LGSN: variants seen among roughly 807,000 people sequenced by gnomAD.
The protein encoded by LGSN is lengsin, lens protein with glutamine synthetase domain, also known as lengsin.
LGSN carries 21 observed loss-of-function variants against 19.5 expected under a neutral mutation model. The observed-to-expected ratio is 1.07, with a 90% CI of 0.76 to 1.55. The LOEUF (loss-of-function observed/expected upper bound fraction) is 1.55, where lower values mean the gene tolerates loss of function less well. Among genes scored for constraint, LGSN ranks in the 40% most tolerant of loss-of-function variants. LGSN has a pLI of 0.00. For missense variants in LGSN, 673 were observed against 608.5 expected (o/e 1.11, Z -1.12); for synonymous variants, 257 against 215.6 (o/e 1.19, Z -1.68).
At chr6:63,436,504 C>G in the LGSN span, among the ~76,000 whole-genome samples, 2 of 152,338 alleles carry the variant, frequency 1.3e-5, no homozygotes, top group South Asian at 2.1e-4. Flanking sequence ...ACTTCATTTG[C>G]AAGTACTGTG....
At chr6:63,517,946 A>G in the LGSN span, among the ~76,000 whole-genome samples, 5 of 152,126 alleles carry the variant, frequency 3.3e-5, no homozygotes, top group African/African-American at 1.2e-4. Context: ...TGAGGTCAGG[A>G]GTTCAAGACG....
At chr6:63,407,865 A>C in the LGSN span, among the ~76,000 whole-genome samples, 1 of 152,216 alleles carries the variant, frequency 6.6e-6, no homozygotes, top group South Asian at 2.1e-4. Context: ...AAAAATCACA[A>C]GCATTCTTAT....
At chr6:63,419,885 A>C in the LGSN span, among the ~76,000 whole-genome samples, 1 of 27,156 alleles carries the variant, frequency 3.7e-5, no homozygotes, top group African/African-American at 4.1e-4. Context: ...CCTCCCAAAA[A>C]AAAAAAAAAA....
the LGSN span, chr6:63,549,250 G>A: frequency 1.1e-5 from 8 of 745,888 alleles, no homozygotes; most frequent in Non-Finnish European, 2.0e-5. Context: ...TGGTGGTCCA[G>A]GGCCTGGGTG....
At chr6:63,281,526 C>A (rs1264819679) in intron 3 of LGSN, among the ~76,000 whole-genome samples, 1 of 151,304 alleles carries the variant, frequency 6.6e-6, no homozygotes, top group Non-Finnish European at 1.5e-5. Flanking sequence ...AAAGAAAATC[C>A]GTTACAGCAA....
the LGSN span, among the ~76,000 whole-genome samples, chr6:63,451,985 G>GA: frequency 1.3e-5 from 2 of 150,492 alleles, no homozygotes; most frequent in African/African-American, 4.9e-5. Flanking sequence ...TGATTAGAAG[G>GA]AAAAAAATAC....
chr6:63,339,797 T>C, the LGSN span, among the ~76,000 whole-genome samples: 1 of 152,304 alleles, frequency 6.6e-6, no homozygotes, highest in South Asian at 2.1e-4. Flanking sequence ...GGTGGTTTTC[T>C]GTAATGATAA....
At chr6:63,486,682 CTTTTT>C in the LGSN span, among the ~76,000 whole-genome samples, 3 of 115,850 alleles carry the variant, frequency 2.6e-5, no homozygotes, top group Admixed American at 1.0e-4. Flanking sequence ...TTATTTTCTT[CTTTTT>C]TTTTTTTTTT....
At chr6:63,419,139 C>T in the LGSN span, among the ~76,000 whole-genome samples, 1 of 152,090 alleles carries the variant, frequency 6.6e-6, no homozygotes. Context: ...ATCCAGGGAT[C>T]TTATCACTGT....
chr6:63,364,824 TC>T, the LGSN span, among the ~76,000 whole-genome samples: 2 of 152,102 alleles, frequency 1.3e-5, no homozygotes, highest in Admixed American at 1.3e-4. Context: ...AACAACCTCC[TC>T]CTGAATGACT....
At chr6:63,410,849 A>G in the LGSN span, among the ~76,000 whole-genome samples, 5 of 152,156 alleles carry the variant, frequency 3.3e-5, no homozygotes, top group Admixed American at 6.6e-5. Context: ...ATGACCCCAC[A>G]TGCTGGTAAA....
chr6:63,323,145 A>G (rs1348395514), upstream of LGSN, among the ~76,000 whole-genome samples: 1 of 152,116 alleles, frequency 6.6e-6, no homozygotes, highest in Admixed American at 6.5e-5. Context: ...GAAATTCTGA[A>G]TTCCAAGGCA....
chr6:63,445,207 A>G, the LGSN span, among the ~76,000 whole-genome samples: 1 of 152,060 alleles, frequency 6.6e-6, no homozygotes, highest in Admixed American at 6.6e-5. Flanking sequence ...GCTACTCAGG[A>G]GGCTGAGGCA....
chr6:63,358,264 C>A, the LGSN span, among the ~76,000 whole-genome samples: 37 of 152,294 alleles, frequency 2.4e-4, no homozygotes, highest in African/African-American at 7.9e-4. Context: ...AGTCAGGTAG[C>A]ATGATGCCTC....
At chr6:63,431,806 C>T in the LGSN span, among the ~76,000 whole-genome samples, 266 of 152,016 alleles carry the variant, frequency 1.7e-3, 3 homozygotes, top group East Asian at 0.038. Flanking sequence ...GTGGCTCATG[C>T]CTGTAATCCC....
the LGSN span, among the ~76,000 whole-genome samples, chr6:63,505,565 A>AAAAGAAAGAAAGAG: frequency 1.9e-4 from 11 of 58,648 alleles, 2 homozygotes; most frequent in African/African-American, 9.7e-4. Flanking sequence ...AAAAAAAAAA[A>AAAAGAAAGAAAGAG]AAAGAAAGAA....
At chr6:63,316,560 G>A (rs1242882335) in intron 1 of LGSN, among the ~76,000 whole-genome samples, 1 of 151,996 alleles carries the variant, frequency 6.6e-6, no homozygotes, top group African/African-American at 2.4e-5. Flanking sequence ...GAAGCAAAAA[G>A]TTTTGTTTTA....
chr6:63,524,099 C>A, the LGSN span, among the ~76,000 whole-genome samples: 5 of 152,148 alleles, frequency 3.3e-5, no homozygotes, highest in African/African-American at 1.2e-4. Flanking sequence ...CTCCCCATGT[C>A]TCAGCTTTCT....
the LGSN span, among the ~76,000 whole-genome samples, chr6:63,547,698 A>T: frequency 6.7e-6 from 1 of 148,480 alleles, no homozygotes; most frequent in African/African-American, 2.5e-5. Context: ...TTTTCAGTAG[A>T]GACGGGGTTT....
Sources: allele counts gnomAD v4.1 joint callset (sites outside exome capture counted in the v4.1 genomes callset), GRCh38; gene constraint gnomAD v4.1.1; transcripts MANE v1.5; gene names NCBI Gene and HGNC (gene_info 2026-07-23, HGNC 2026-07-21).